The following DMD variants were observed in gnomAD, a reference collection of about 807,000 sequenced individuals.
The protein encoded by DMD is mutant dystrophin.
In DMD, 63 loss-of-function variants were observed where a neutral mutation model predicts 330.1. The observed-to-expected ratio is 0.19, with a 90% CI of 0.16 to 0.24. The LOEUF is 0.24. Among genes scored for constraint, DMD ranks in the 10% least tolerant of loss-of-function variants. The pLI, the probability that DMD is intolerant of heterozygous loss-of-function variation, is 1.00. For synonymous variants in DMD, 1,223 were observed against 959.8 expected, an observed-to-expected ratio of 1.27 and a Z score of -5.07; for missense variants, 3,344 against 2,684.1, an observed-to-expected ratio of 1.25 and a Z score of -5.43.
In DMD at chrX:32,343,062, T is replaced by G. The variant is rs754862808; in HGVS notation, c.5739+72A>C. Reference sequence around the variant, plus strand: ...TAATAGAAACAAGAACATCAACATTTTAAATATGATCTTCACAGGTTAATT... The same window carrying G: ...TAATAGAAACAAGAACATCAACATTGTAAATATGATCTTCACAGGTTAATT... On this transcript the variant is annotated intron_variant, in intron 40 of 78. Transcript: ENST00000357033. 103 of 1,039,299 alleles carry G rather than the reference T, an allele frequency of 9.9e-5. 1 individual carries two copies. In the South Asian group the frequency reaches 1.9e-3, roughly 19 times the overall value. The allele number at this position is 1,039,299 out of a possible 1,213,427, so 85.6% of individuals were successfully genotyped here.
At chrX:32,310,015 G>T in intron 42 of DMD, 67 bp downstream of exon 42, 1 of 1,011,740 alleles carries the variant, frequency 9.9e-7, no homozygotes, top group Non-Finnish European at 1.4e-6. Context: ...TAAGTCAATT[G>T]TTCTGGCACT....
In DMD at chrX:32,753,474, A is replaced by G. The variant is rs752529510; in HGVS notation, c.650-54181T>C. 2.3e-4 allele frequency among the ~76,000 whole-genome samples: 26 copies of G among 111,593 alleles called. 1 individual carries two copies. In the South Asian group the frequency reaches 9.8e-3, roughly 42 times the overall value. ...TTAGAAATTTGTTTTTCATACTCAT[A>G]AAGATTTCCTATTTGACCACCACAA... On this transcript the variant is annotated intron_variant, in intron 7 of 78. Coordinates refer to ENST00000357033, the MANE Select transcript of DMD (RefSeq NM_004006.3).
intron 78 of DMD, among the ~76,000 whole-genome samples, chrX:31,123,174 C>T (rs1266737843): frequency 1.8e-5 from 2 of 111,567 alleles, no homozygotes; most frequent in Non-Finnish European, 3.8e-5. Context: ...GAAGCGGATT[C>T]ACGGGCAGGC....
chrX:31,628,943 A>ATATATAT (rs756897440), intron 54 of DMD, among the ~76,000 whole-genome samples: 4 of 70,643 alleles, frequency 5.7e-5, no homozygotes, highest in African/African-American at 1.1e-4. Flanking sequence ...TATATATATA[A>ATATATAT]AATGCATGTA....
intron 44 of DMD, among the ~76,000 whole-genome samples, chrX:32,140,328 G>A (rs1230817482): frequency 9.0e-6 from 1 of 111,386 alleles, no homozygotes; most frequent in African/African-American, 3.3e-5. Context: ...AGCCACATTT[G>A]CATTGTTAAT....
At chrX:32,068,658 C>T (rs774572324) in intron 44 of DMD, among the ~76,000 whole-genome samples, 2 of 110,274 alleles carry the variant, frequency 1.8e-5, no homozygotes, top group Non-Finnish European at 3.8e-5. Context: ...CTGTTCAATG[C>T]CCTAAAAAAA....
intron 1 of DMD, among the ~76,000 whole-genome samples, chrX:33,094,063 A>G (rs2095121794): frequency 9.0e-6 from 1 of 111,003 alleles, no homozygotes; most frequent in African/African-American, 3.3e-5. Context: ...TGACATAACT[A>G]TTGAAAATGT....
intron 2 of DMD, among the ~76,000 whole-genome samples, chrX:32,907,955 C>A (rs181788674): frequency 9.1e-6 from 1 of 109,954 alleles, no homozygotes; most frequent in East Asian, 2.9e-4. Context: ...CCACAGCTCA[C>A]AAATCTACAC....
intron 44 of DMD, among the ~76,000 whole-genome samples, chrX:32,191,427 T>G (rs951804593): frequency 8.9e-6 from 1 of 112,157 alleles, no homozygotes; most frequent in African/African-American, 3.2e-5. Context: ...CTTGTAAGAT[T>G]TGACTGTTTA....
intron 6 of DMD, among the ~76,000 whole-genome samples, chrX:32,811,726 A>G (rs1359188160): frequency 8.9e-6 from 1 of 112,539 alleles, no homozygotes. Context: ...AGCCATATGA[A>G]TTAATTAAAC....
chrX:32,335,618 CATGTT>C (rs2097703658), intron 41 of DMD, among the ~76,000 whole-genome samples: 1 of 16,628 alleles, frequency 6.0e-5, no homozygotes, highest in African/African-American at 1.9e-4. Context: ...ATAAAACAAA[CATGTT>C]ATATACATAA....
At chrX:32,685,994 T>C (rs908743335) in intron 9 of DMD, among the ~76,000 whole-genome samples, 1 of 111,413 alleles carries the variant, frequency 9.0e-6, no homozygotes, top group Admixed American at 9.6e-5. Flanking sequence ...ATTGACATGC[T>C]TAAGGGGGTA....
rs2097795628 is a variant in DMD, at chrX:32,355,419, G to A, written c.5326-6891C>T. 2.7e-5 allele frequency among the ~76,000 whole-genome samples: 3 copies of A among 111,325 alleles called. 1 individual carries two copies. The highest frequency in any genetic ancestry group is 3.7e-4 in the South Asian group (1 of 2,698). On this transcript the variant is annotated intron_variant, in intron 37 of 78. Transcript: ENST00000357033. ...AAAGCAAAATTGCTTTACATCTACT[G>A]ACACTGATCAGGGGACTAATTTTCC...
rs2097747564 is a variant in DMD at position 32,342,251 on chromosome X, T to G, written c.5771A>C (p.Glu1924Ala). ...EIDRELQKKKEELNAVRRQAE... is the reference protein window; with the variant it reads ...EIDRELQKKKAELNAVRRQAE... ...TTGCCTACGCACTGCATTCAGCTCC[T>G]CTTTCTTCTTCTGCAATTCCCGATC... The change falls in exon 41 of 79, where the codon GAG becomes GCG. Residue 1924 changes from glutamate (E) to alanine (A), a missense_variant. Coordinates refer to ENST00000357033, the MANE Select transcript of DMD (RefSeq NM_004006.3). 1.7e-6 allele frequency: 2 copies of G among 1,211,511 alleles called. No homozygotes were observed. Among genetic ancestry groups the G allele is most frequent in the Non-Finnish European group, 2.2e-6 (2 of 895,497 alleles).
rs1569549015 is a variant in DMD, at chrX:32,178,958, CTCTCTCTCTCTCT to C, written c.6438+37945_6438+37957del. On this transcript the variant is annotated intron_variant, in intron 44 of 78. Coordinates refer to ENST00000357033, the MANE Select transcript of DMD (RefSeq NM_004006.3). The stretch of plus-strand genomic sequence containing the variant: ...CCCCAGATTCTCTCTCTCTCTCTCT[CTCTCTCTCTCTCT>C]CTCTCTCTCTCCCTCTCCTCCTGCT... Among the ~76,000 whole-genome samples the C allele has an allele frequency of 2.5e-4, 26 of 103,975 alleles. 1 individual carries two copies. Among genetic ancestry groups the C allele is most frequent in the African/African-American group, 9.4e-4 (26 of 27,638 alleles). The allele number at this position is 103,975 out of a possible 115,157, so 90.3% of individuals were successfully genotyped here. A position where few individuals can be genotyped will look rare whatever the true frequency, so the allele number is the denominator to read the frequency against.
At chrX:31,434,434 ACACACACACAC>A (rs2064353497) in intron 60 of DMD, among the ~76,000 whole-genome samples, 1 of 90,268 alleles carries the variant, frequency 1.1e-5, no homozygotes, top group African/African-American at 4.1e-5. Context: ...ACACACACAC[ACACACACACAC>A]ACACACACAC....
chrX:31,748,743 T>C (rs2088088486), intron 51 of DMD, among the ~76,000 whole-genome samples: 1 of 111,771 alleles, frequency 8.9e-6, no homozygotes, highest in African/African-American at 3.3e-5. Context: ...CCATTTGAGG[T>C]AGGTTAATAA....
At chrX:32,531,668 G>A (rs763811725) in intron 17 of DMD, among the ~76,000 whole-genome samples, 1 of 111,190 alleles carries the variant, frequency 9.0e-6, no homozygotes, top group Admixed American at 9.6e-5. Flanking sequence ...GTGAAGCACT[G>A]AGTCAAGACT....
rs904441627 is a variant in DMD, at chrX:32,472,433, T to A, written c.2804-124A>T. On this transcript the variant is annotated intron_variant, in intron 21 of 78. Transcript: ENST00000357033. ...CAAATATTAACAAAATTAGAAAATCTGAAAAATATATTTAATATGATTATG... is the reference window on the plus strand; with the variant it reads ...CAAATATTAACAAAATTAGAAAATCAGAAAAATATATTTAATATGATTATG... 4 of 651,176 alleles carry A rather than the reference T, an allele frequency of 6.1e-6. No individual in the cohort carries two copies. The African/African-American group carries it at 8.9e-5, about 14-fold the overall frequency. The allele number at this position is 651,176 out of a possible 1,213,427, so 53.7% of individuals were successfully genotyped here.
Sources: allele counts gnomAD v4.1 joint callset (sites outside exome capture counted in the v4.1 genomes callset), GRCh38; gene constraint gnomAD v4.1.1; transcripts MANE v1.5; gene names NCBI Gene and HGNC (gene_info 2026-07-23, HGNC 2026-07-21).